ZBTB7C: variants seen among roughly 807,000 people sequenced by gnomAD.
ZBTB7C encodes zinc finger and BTB domain-containing protein 7C.
A neutral mutation model predicts 25.7 loss-of-function variants in ZBTB7C; 8 were observed. The observed-to-expected ratio is 0.31, with a 90% CI of 0.18 to 0.56. The LOEUF is 0.56. ZBTB7C is among the 20% of genes least tolerant of loss of function. The pLI, the probability that ZBTB7C is intolerant of heterozygous loss-of-function variation, is 0.91. For synonymous variants in ZBTB7C, 394 were observed against 369.0 expected (o/e 1.07, Z -0.78); for missense variants, 824 against 855.2 (o/e 0.96, Z 0.46).
intron 3 of ZBTB7C, among the ~76,000 whole-genome samples, chr18:48,059,589 A>G (rs2037048765): frequency 6.6e-6 from 1 of 152,112 alleles, no homozygotes; most frequent in Non-Finnish European, 1.5e-5. Context: ...GGGCCTGGAG[A>G]GGGCTGTCAC....
chr18:48,318,797 G>GC (rs940117874), intron 2 of ZBTB7C, among the ~76,000 whole-genome samples: 5 of 152,132 alleles, frequency 3.3e-5, no homozygotes, highest in African/African-American at 9.7e-5. Context: ...CCTGAGTGAG[G>GC]CCCCCGCCGT....
chr18:48,342,224 G>C (rs988597790), intron 1 of ZBTB7C, among the ~76,000 whole-genome samples: 1 of 152,234 alleles, frequency 6.6e-6, no homozygotes, highest in Non-Finnish European at 1.5e-5. Flanking sequence ...TATATTCAAA[G>C]TGGGCTGCTG....
At chr18:48,386,839 G>T (rs11665343) in intron 1 of ZBTB7C, among the ~76,000 whole-genome samples, 53 of 152,264 alleles carry the variant, frequency 3.5e-4, no homozygotes, top group South Asian at 1.0e-3. Context: ...TACTCAAATT[G>T]CGCTTTCTAT....
intron 3 of ZBTB7C, among the ~76,000 whole-genome samples, chr18:48,132,142 T>C (rs6507818): frequency 0.67 from 102,660 of 152,096 alleles, 34,778 homozygotes; most frequent in Admixed American, 0.74. Flanking sequence ...AACCTATATA[T>C]CCATCACGGG....
intron 2 of ZBTB7C, among the ~76,000 whole-genome samples, chr18:48,211,402 A>G (rs553664838): frequency 6.6e-6 from 1 of 152,278 alleles, no homozygotes; most frequent in Non-Finnish European, 1.5e-5. Flanking sequence ...ATAAGAAGAC[A>G]AGCCATAGAG....
chr18:48,181,174 G>A (rs2041911308), intron 3 of ZBTB7C, among the ~76,000 whole-genome samples: 1 of 152,182 alleles, frequency 6.6e-6, no homozygotes, highest in African/African-American at 2.4e-5. Flanking sequence ...ATAGAAGAGG[G>A]AACTGAGGCC....
chr18:48,397,660 C>A (rs1446372947), intron 1 of ZBTB7C, among the ~76,000 whole-genome samples: 5 of 152,202 alleles, frequency 3.3e-5, no homozygotes, highest in African/African-American at 1.2e-4. Context: ...GCTCCCTTCG[C>A]CAAGTTCATC....
chr18:48,280,848 C>CTTTTTT (rs55760047), intron 2 of ZBTB7C, among the ~76,000 whole-genome samples: 4 of 79,922 alleles, frequency 5.0e-5, no homozygotes, highest in African/African-American at 1.4e-4. Flanking sequence ...TTTTCTCTCT[C>CTTTTTT]TTTTTTTTTT....
rs535543354 is a variant in ZBTB7C, at chr18:48,278,697, G to A, written c.-79+59477C>T. Among the ~76,000 whole-genome samples the A allele has an allele frequency of 1.6e-3, 242 of 152,120 alleles. 3 individuals carry two copies. Among genetic ancestry groups the A allele is most frequent in the African/African-American group, 5.6e-3 (231 of 41,502 alleles). On this transcript the variant is annotated intron_variant, in intron 2 of 4. Coordinates refer to ENST00000590800, the MANE Select transcript of ZBTB7C (RefSeq NM_001318841.2). ...CCTGCCTCAGCCTCCCAAAGTGCTG[G>A]GATTACAGGCATGAGCCACCGCGTC...
upstream of ZBTB7C, chr18:48,409,436 C>T (rs1211452239): frequency 3.4e-5 from 5 of 146,648 alleles, no homozygotes; most frequent in Admixed American, 3.4e-4. Context: ...CCCCGCGCCG[C>T]GCCTCCGCCC....
intron 2 of ZBTB7C, among the ~76,000 whole-genome samples, chr18:48,212,388 G>A (rs1273905449): frequency 6.6e-6 from 1 of 152,038 alleles, no homozygotes; most frequent in Non-Finnish European, 1.5e-5. Context: ...TGCTCTGTAT[G>A]TTACTGTTAT....
At chr18:48,034,995 G>C (rs1038040872) in intron 4 of ZBTB7C, among the ~76,000 whole-genome samples, 5 of 152,164 alleles carry the variant, frequency 3.3e-5, no homozygotes, top group Admixed American at 3.3e-4. Flanking sequence ...CCGATGGTTT[G>C]AGACACACTC....
chr18:48,399,559 G>T (rs1012534002), intron 1 of ZBTB7C, among the ~76,000 whole-genome samples: 2 of 152,174 alleles, frequency 1.3e-5, no homozygotes, highest in Non-Finnish European at 2.9e-5. Flanking sequence ...GCTGGCTCTG[G>T]CCCTGGGCTC....
intron 1 of ZBTB7C, among the ~76,000 whole-genome samples, chr18:48,348,874 G>A (rs1356583700): frequency 1.3e-5 from 2 of 152,192 alleles, no homozygotes; most frequent in Non-Finnish European, 2.9e-5. Flanking sequence ...AAGAGTGCCA[G>A]TGAGGTCATT....
At chr18:48,389,792 G>A (rs907419264) in intron 1 of ZBTB7C, among the ~76,000 whole-genome samples, 5 of 152,204 alleles carry the variant, frequency 3.3e-5, no homozygotes, top group African/African-American at 7.2e-5. Flanking sequence ...TGTAAGGCAC[G>A]ATTGAATGTG....
chr18:48,339,447 C>G (rs913919878), intron 1 of ZBTB7C, among the ~76,000 whole-genome samples: 1 of 152,234 alleles, frequency 6.6e-6, no homozygotes, highest in African/African-American at 2.4e-5. Flanking sequence ...TCTCTTCAAG[C>G]TGCTTTTGCA....
Position 48,312,128 on chromosome 18 carries a change from C to T in ZBTB7C, c.-79+26046G>A, listed in dbSNP as rs182507023. 5.9e-5 allele frequency among the ~76,000 whole-genome samples: 9 copies of T among 152,348 alleles called. 1 individual carries two copies. Among genetic ancestry groups the T allele is most frequent in the African/African-American group, 2.2e-4 (9 of 41,582 alleles). ...CTGCTCAGGGCACATGAAAGGAGGT[C>T]TCAGGCAGTGCCCACGTGCTGGGCT... is the stretch of plus-strand genomic sequence containing the variant. On this transcript the variant is annotated intron_variant, in intron 2 of 4. Coordinates refer to ENST00000590800, the MANE Select transcript of ZBTB7C (RefSeq NM_001318841.2).
At position 48,040,361 on chromosome 18, in the gene ZBTB7C, A is replaced by G; in HGVS notation, c.747T>C (p.Ser249=). 6.2e-7 allele frequency: 1 copy of G among 1,610,570 alleles called. No individual in the cohort carries two copies. The highest frequency in any genetic ancestry group is 8.5e-7 in the Non-Finnish European group (1 of 1,178,272). The change falls in exon 4 of 5, where the codon TCT becomes TCC. Residue 249 remains serine, a synonymous_variant. Coordinates refer to ENST00000590800, the MANE Select transcript of ZBTB7C (RefSeq NM_001318841.2). The part of the protein sequence containing the change: ...ANIPDRRPSL[S]PFAPDFFPHL... ...GTGGAAAGAAGTCCGGGGCGAATGG[A>G]GACAAGGAGGGTCTCCTGTCGGGGA...
intron 2 of ZBTB7C, among the ~76,000 whole-genome samples, chr18:48,223,630 C>A (rs1226900523): frequency 6.6e-6 from 1 of 152,176 alleles, no homozygotes; most frequent in African/African-American, 2.4e-5. Flanking sequence ...CACCTTACTT[C>A]TTCAATGGGT....
Sources: allele counts gnomAD v4.1 joint callset (sites outside exome capture counted in the v4.1 genomes callset), GRCh38; gene constraint gnomAD v4.1.1; transcripts MANE v1.5; gene names NCBI Gene and HGNC (gene_info 2026-07-23, HGNC 2026-07-21).